The following SCARB2 variants were observed in gnomAD, a reference collection of about 807,000 sequenced individuals.
SCARB2 encodes scavenger receptor class B member 2.
Under a neutral mutation model 58.6 loss-of-function variants are expected in SCARB2, and 29 were observed. The ratio of observed to expected loss-of-function variants is 0.49; its 90% CI spans 0.37 to 0.67. SCARB2 has a LOEUF of 0.67. SCARB2 is among the 30% of genes least tolerant of loss of function. The pLI, the probability that SCARB2 is intolerant of heterozygous loss-of-function variation, is 0.00. For missense variants in SCARB2, 488 were observed against 578.5 expected (o/e 0.84, Z 1.60); for synonymous variants, 195 against 210.1 (o/e 0.93, Z 0.62).
Position 76,160,680 on chromosome 4 carries a change from A to G in SCARB2, c.*1033T>C, listed in dbSNP as rs1200204341. The G allele has an allele frequency of 6.6e-6, 1 of 152,228 alleles. No homozygotes were observed. The highest frequency in any genetic ancestry group is 1.5e-5 in the Non-Finnish European group (1 of 68,038). 9.4% of individuals were successfully genotyped at this position (152,228 alleles called of 1,614,324 possible). On this transcript the variant is annotated 3_prime_UTR_variant, in exon 12 of 12. Transcript: ENST00000264896. ...TAAAAAGAACTTCAAAATTACCAAG[A>G]AGGCGGCTGTCCCAGAAGAAATATC...
rs1578709876 is a variant in SCARB2, at chr4:76,160,124, C to T, written c.*1589G>A. On this transcript the variant is annotated 3_prime_UTR_variant, in exon 12 of 12. Transcript: ENST00000264896. ...TGCCTCTTCAAGAGGGGAAATATAT[C>T]ACATATTGTTTTAGTGTAGAAAAAG... 6.6e-6 allele frequency: 1 copy of T among 151,996 alleles called. No homozygotes were observed. The highest frequency in any genetic ancestry group is 2.1e-4 in the South Asian group (1 of 4,824). The allele number at this position is 151,996 out of a possible 1,614,324, so 9.4% of individuals were successfully genotyped here.
At chr4:76,220,403 G>C (rs1733287585) in intron 1 of SCARB2, among the ~76,000 whole-genome samples, 1 of 152,316 alleles carries the variant, frequency 6.6e-6, no homozygotes, top group Non-Finnish European at 1.5e-5. Flanking sequence ...GAGGCAGGAG[G>C]ATTGCTTGGG....
chr4:76,170,210 T>C lies in SCARB2; in HGVS notation c.995-225A>G, dbSNP rs922612470. ...CCAATTTTTTATTCCACATTATATATTGAAGTTCAGGCTAAATTATTTATT... is the reference window on the plus strand; with the variant it reads ...CCAATTTTTTATTCCACATTATATACTGAAGTTCAGGCTAAATTATTTATT... On this transcript the variant is annotated intron_variant, in intron 7 of 11. Transcript: ENST00000264896. Among the ~76,000 whole-genome samples the C allele has an allele frequency of 3.9e-4, 60 of 152,198 alleles. 1 individual carries two copies. Among genetic ancestry groups the C allele is most frequent in the Admixed American group, 1.8e-3 (28 of 15,282 alleles).
At chr4:76,176,306 CA>C in intron 5 of SCARB2, 130 bp downstream of exon 5, 1 of 650,456 alleles carries the variant, frequency 1.5e-6, no homozygotes, top group Non-Finnish European at 2.7e-6. Flanking sequence ...ATAATAATTA[CA>C]AGACTATTTA....
chr4:76,196,260 G>A (rs1394043186), intron 1 of SCARB2, among the ~76,000 whole-genome samples: 1 of 152,240 alleles, frequency 6.6e-6, no homozygotes, highest in Non-Finnish European at 1.5e-5. Context: ...GGCTGAGGCA[G>A]TAGACTTGCT....
intron 1 of SCARB2, among the ~76,000 whole-genome samples, chr4:76,227,955 T>C (rs578116993): frequency 9.3e-4 from 141 of 152,348 alleles, no homozygotes; most frequent in Admixed American, 3.0e-3. Flanking sequence ...AGACAGCAGA[T>C]ACCTGGTTAC....
intron 2 of SCARB2, 163 bp downstream of exon 2, chr4:76,195,544 G>T: frequency 1.6e-6 from 1 of 644,948 alleles, no homozygotes; most frequent in Non-Finnish European, 2.8e-6. Flanking sequence ...CTCTGCTGAG[G>T]TTTCACACAC....
At position 76,161,566 on chromosome 4, in the gene SCARB2, G is replaced by C. The variant is rs1731898456; in HGVS notation, c.*147C>G. 1 of 812,280 alleles carries C rather than the reference G, an allele frequency of 1.2e-6. No homozygotes were observed. The highest frequency in any genetic ancestry group is 1.9e-5 in the Admixed American group (1 of 52,756). The allele number at this position is 812,280 out of a possible 1,614,324, so 50.3% of individuals were successfully genotyped here. ...CATGTCAGCCTGCTCTTTAACCTCT[G>C]GCCAGAATGTTCCTATCACTTGCCA... On this transcript the variant is annotated 3_prime_UTR_variant, in exon 12 of 12. Coordinates refer to ENST00000264896, the MANE Select transcript of SCARB2 (RefSeq NM_005506.4).
In SCARB2 at chr4:76,195,907, T is replaced by C. The variant is rs202088232; in HGVS notation, c.118-43A>G. ...GGAGATTTACAAAAATGTAAGGCAA[T>C]AGTTGGCTTTAAACCCAAGAAGCAG... On this transcript the variant is annotated intron_variant, in intron 1 of 11. Coordinates refer to ENST00000264896, the MANE Select transcript of SCARB2 (RefSeq NM_005506.4). 64 of 1,534,822 alleles carry C rather than the reference T, an allele frequency of 4.2e-5. No homozygotes were observed. In the East Asian group the frequency reaches 1.3e-3, roughly 30 times the overall value.
At position 76,195,702 on chromosome 4, in the gene SCARB2, C is replaced by G; in HGVS notation, c.275+5G>C. The stretch of plus-strand genomic sequence containing the variant: ...CTTTCAAGACAGGAGGTGGTCAAGA[C>G]TTACCTGTAGGTGTATGGCCCCACT... On this transcript the variant is annotated splice_donor_5th_base_variant and intron_variant, in intron 2 of 11. Coordinates refer to ENST00000264896, the MANE Select transcript of SCARB2 (RefSeq NM_005506.4). 1 of 1,613,626 alleles carries G rather than the reference C, an allele frequency of 6.2e-7. No homozygotes were observed. Among genetic ancestry groups the G allele is most frequent in the Non-Finnish European group, 8.5e-7 (1 of 1,179,632 alleles).
rs143558324 is a variant in SCARB2, at chr4:76,180,995, G to A, written c.382C>T (p.Pro128Ser). 33 of 1,613,226 alleles carry A rather than the reference G, an allele frequency of 2.0e-5. 2 individuals carry two copies. In the Middle Eastern group the frequency reaches 3.0e-3, roughly 145 times the overall value. ...AATGTTCTAATTAAGTCAATTTTAG[G>A]GTCTCCAACAGATTGGTCTCGTTCA... ...VFERDQSVGD[P>S]KIDLIRTLNI... The change falls in exon 3 of 12, where the codon CCT (proline) becomes TCT (serine). Residue 128 changes from proline (P) to serine (S), a missense_variant. Coordinates refer to ENST00000264896, the MANE Select transcript of SCARB2 (RefSeq NM_005506.4).
intron 1 of SCARB2, among the ~76,000 whole-genome samples, chr4:76,205,733 T>G (rs1235148826): frequency 6.6e-6 from 1 of 152,220 alleles, no homozygotes; most frequent in African/African-American, 2.4e-5. Context: ...TTTGTTTGCA[T>G]GTCAAACCCC....
At chr4:76,189,474 C>CTGTTGTTGTTGTTGTTGTTGT (rs138885918) in intron 2 of SCARB2, among the ~76,000 whole-genome samples, 3 of 150,338 alleles carry the variant, frequency 2.0e-5, no homozygotes, top group African/African-American at 4.9e-5. Context: ...TTTTGTTTGT[C>CTGTTGTTGTTGTTGTTGTTGT]TGTTGTTGTT....
chr4:76,193,396 T>C (rs1192061298), intron 2 of SCARB2: 1 of 152,268 alleles, frequency 6.6e-6, no homozygotes. Flanking sequence ...GAGTCCCCAC[T>C]GAGGCACTGC....
At chr4:76,183,752 A>C (rs1478728650) in intron 2 of SCARB2, among the ~76,000 whole-genome samples, 1 of 152,128 alleles carries the variant, frequency 6.6e-6, no homozygotes, top group Non-Finnish European at 1.5e-5. Flanking sequence ...TGAAAGTCCC[A>C]ACCCTCTAAT....
chr4:76,174,602 G>A (rs556979866), intron 6 of SCARB2: 2 of 388,372 alleles, frequency 5.1e-6, no homozygotes, highest in South Asian at 4.4e-5. Context: ...ACATAAAAAA[G>A]AAATAAGAGG....
At chr4:76,230,922 C>T (rs1222110881) in intron 1 of SCARB2, among the ~76,000 whole-genome samples, 1 of 152,188 alleles carries the variant, frequency 6.6e-6, no homozygotes, top group African/African-American at 2.4e-5. Context: ...CAGGAATCAG[C>T]CACGATCACC....
intron 1 of SCARB2, among the ~76,000 whole-genome samples, chr4:76,196,158 G>A (rs926120885): frequency 6.6e-6 from 1 of 152,202 alleles, no homozygotes; most frequent in Admixed American, 6.5e-5. Context: ...AAGAGTTCGT[G>A]CTTGGTCAAC....
intron 1 of SCARB2, among the ~76,000 whole-genome samples, chr4:76,221,609 C>T (rs899445753): frequency 1.4e-4 from 22 of 152,140 alleles, no homozygotes; most frequent in African/African-American, 4.1e-4. Context: ...CATGAGCCAC[C>T]GCACCCGGCC....
Sources: gnomAD v4.1 joint callset for allele counts (sites outside exome capture counted in the v4.1 genomes callset) on GRCh38, gnomAD v4.1.1 for gene constraint, MANE v1.5 for transcripts, NCBI Gene and HGNC (gene_info 2026-07-23, HGNC 2026-07-21) for gene names.